Variants in CSMD1 observed in about 807,000 individuals in gnomAD.
The protein encoded by CSMD1 is CUB and sushi domain-containing protein 1.
CSMD1 carries 213 observed loss-of-function variants against 417.5 expected under a neutral mutation model. The observed-to-expected ratio is 0.51, with a 90% CI of 0.46 to 0.57. The LOEUF is 0.57. Among genes scored for constraint, CSMD1 ranks in the 20% least tolerant of loss-of-function variants. CSMD1 has a pLI of 0.00. For missense variants in CSMD1, 6,923 were observed against 4,529.7 expected (o/e 1.53, Z -15.17); for synonymous variants, 2,862 against 1,736.8 (o/e 1.65, Z -16.11).
intron 54 of CSMD1, among the ~76,000 whole-genome samples, chr8:2,984,587 T>C (rs1381343465): frequency 1.3e-5 from 2 of 152,204 alleles, no homozygotes; most frequent in Non-Finnish European, 2.9e-5. Context: ...GACCTCGTGA[T>C]CCACCCACCT....
intron 1 of CSMD1, among the ~76,000 whole-genome samples, chr8:4,854,274 T>C (rs1488338490): frequency 6.6e-6 from 1 of 152,166 alleles, no homozygotes; most frequent in Non-Finnish European, 1.5e-5. Flanking sequence ...ATCCCCAGTG[T>C]TGGAGACAGG....
intron 10 of CSMD1, among the ~76,000 whole-genome samples, chr8:3,551,858 G>A (rs903283199): frequency 1.3e-5 from 2 of 152,060 alleles, no homozygotes; most frequent in Non-Finnish European, 2.9e-5. Flanking sequence ...GAAAGATGAG[G>A]CTGCCACTGT....
chr8:3,712,279 G>A (rs12681054), intron 6 of CSMD1, among the ~76,000 whole-genome samples: 84,469 of 150,530 alleles, frequency 0.56, 24,182 homozygotes, highest in Admixed American at 0.63. Flanking sequence ...CGTTTTTTGG[G>A]TTCTCCTCTT....
chr8:4,487,084 T>G (rs1311473746), intron 2 of CSMD1, among the ~76,000 whole-genome samples: 1 of 152,168 alleles, frequency 6.6e-6, no homozygotes, highest in East Asian at 1.9e-4. Flanking sequence ...ATTTTTTTTC[T>G]TTTTGCCATC....
intron 5 of CSMD1, among the ~76,000 whole-genome samples, chr8:3,771,995 T>G (rs1008095348): frequency 1.6e-4 from 25 of 151,970 alleles, no homozygotes; most frequent in African/African-American, 5.5e-4. Context: ...TCTGGGCTGG[T>G]GAGAATCCAT....
At chr8:3,257,905 C>A (rs991773899) in intron 26 of CSMD1, among the ~76,000 whole-genome samples, 1 of 151,962 alleles carries the variant, frequency 6.6e-6, no homozygotes. Flanking sequence ...GTTACAAGGG[C>A]GTGAAGCTTA....
chr8:3,745,661 G>A (rs1192933385), intron 6 of CSMD1, among the ~76,000 whole-genome samples: 1 of 152,212 alleles, frequency 6.6e-6, no homozygotes, highest in African/African-American at 2.4e-5. Context: ...CAAGGGGCAT[G>A]AATCCCCGGG....
intron 41 of CSMD1, among the ~76,000 whole-genome samples, chr8:3,138,108 C>T (rs1217894858): frequency 1.3e-5 from 2 of 152,184 alleles, no homozygotes; most frequent in Non-Finnish European, 1.5e-5. Context: ...TGCCTGTAAT[C>T]CCAGCTACTT....
At chr8:4,155,960 C>T (rs1181961434) in intron 3 of CSMD1, among the ~76,000 whole-genome samples, 1 of 152,160 alleles carries the variant, frequency 6.6e-6, no homozygotes, top group East Asian at 1.9e-4. Context: ...ACATTTTAAT[C>T]ATCAAGTCAC....
At chr8:3,918,470 C>G (rs1232041902) in intron 5 of CSMD1, among the ~76,000 whole-genome samples, 2 of 151,950 alleles carry the variant, frequency 1.3e-5, no homozygotes, top group African/African-American at 4.8e-5. Flanking sequence ...TTTTATATAC[C>G]TGTTGGACGT....
At chr8:4,555,451 T>C (rs551487038) in intron 2 of CSMD1, among the ~76,000 whole-genome samples, 73 of 152,216 alleles carry the variant, frequency 4.8e-4, no homozygotes, top group Middle Eastern at 3.4e-3. Context: ...GTCAAGGACC[T>C]CACAAATCAG....
At chr8:4,669,532 T>C (rs1263311150) in intron 1 of CSMD1, among the ~76,000 whole-genome samples, 2 of 152,316 alleles carry the variant, frequency 1.3e-5, no homozygotes, top group Non-Finnish European at 1.5e-5. Flanking sequence ...AATTGACACA[T>C]ATCAATGAGA....
chr8:3,632,729 C>A (rs1445614498), intron 7 of CSMD1, among the ~76,000 whole-genome samples: 1 of 151,864 alleles, frequency 6.6e-6, no homozygotes, highest in Non-Finnish European at 1.5e-5. Flanking sequence ...AAAAGATGAC[C>A]ACACCAATGT....
intron 4 of CSMD1, among the ~76,000 whole-genome samples, chr8:4,023,435 A>C (rs1162891828): frequency 6.6e-6 from 1 of 152,214 alleles, no homozygotes; most frequent in East Asian, 1.9e-4. Flanking sequence ...AGGCAAAGCC[A>C]GCACTCATCT....
At chr8:3,423,414 A>G (rs1213344131) in intron 12 of CSMD1, among the ~76,000 whole-genome samples, 1 of 152,176 alleles carries the variant, frequency 6.6e-6, no homozygotes, top group Non-Finnish European at 1.5e-5. Context: ...TTTCATATAA[A>G]TGGAATCATA....
chr8:3,920,320 C>T (rs954948252), intron 5 of CSMD1, among the ~76,000 whole-genome samples: 1 of 151,770 alleles, frequency 6.6e-6, no homozygotes, highest in South Asian at 2.1e-4. Flanking sequence ...TAGGAGTGAG[C>T]CACCGTACGT....
At position 3,909,509 on chromosome 8, in the gene CSMD1, G is replaced by C. The variant is rs74863938; in HGVS notation, c.818+88394C>G. 9.6e-3 allele frequency among the ~76,000 whole-genome samples: 1,466 copies of C among 152,222 alleles called. 27 individuals are homozygous for C. The highest frequency in any genetic ancestry group is 0.033 in the African/African-American group (1,361 of 41,546). On this transcript the variant is annotated intron_variant, in intron 5 of 69. Coordinates refer to ENST00000635120, the MANE Select transcript of CSMD1 (RefSeq NM_033225.6). ...CCAGAGAGCTTTCTCCCAGAAGCAGGAATGTTCCCACAGCGTGGTCGCTCT... is the reference window on the plus strand; with the variant it reads ...CCAGAGAGCTTTCTCCCAGAAGCAGCAATGTTCCCACAGCGTGGTCGCTCT...
At chr8:3,148,705 G>T (rs923175856) in intron 40 of CSMD1, among the ~76,000 whole-genome samples, 1 of 152,178 alleles carries the variant, frequency 6.6e-6, no homozygotes, top group African/African-American at 2.4e-5. Flanking sequence ...TCTGCAAATT[G>T]CTCGAAAATG....
chr8:4,732,788 T>A (rs765378345), intron 1 of CSMD1, among the ~76,000 whole-genome samples: 6 of 152,164 alleles, frequency 3.9e-5, no homozygotes, highest in Non-Finnish European at 8.8e-5. Flanking sequence ...GCCCAAATCC[T>A]CCAGGATTTA....
Sources: gnomAD v4.1 joint callset for allele counts (sites outside exome capture counted in the v4.1 genomes callset) on GRCh38, gnomAD v4.1.1 for gene constraint, MANE v1.5 for transcripts, NCBI Gene and HGNC (gene_info 2026-07-23, HGNC 2026-07-21) for gene names.